SLMAP: variants seen among roughly 807,000 people sequenced by gnomAD.
SLMAP encodes sarcolemmal membrane-associated protein.
SLMAP carries 44 observed loss-of-function variants against 128.8 expected under a neutral mutation model. That is an observed-to-expected ratio of 0.34 (90% CI 0.27 to 0.44). SLMAP has a LOEUF of 0.44. Among genes scored for constraint, SLMAP ranks in the 20% least tolerant of loss-of-function variants. The pLI is 1.00. For missense variants in SLMAP, 787 were observed against 985.3 expected, an observed-to-expected ratio of 0.80 and a Z score of 2.69; for synonymous variants, 327 against 348.8, an observed-to-expected ratio of 0.94 and a Z score of 0.70.
At chr3:57,880,809 C>G (rs2095717641) in intron 14 of SLMAP, among the ~76,000 whole-genome samples, 1 of 152,056 alleles carries the variant, frequency 6.6e-6, no homozygotes, top group South Asian at 2.1e-4. Flanking sequence ...CGCTTGAGCC[C>G]TGGAGCGGGA....
Position 57,855,802 on chromosome 3 carries a change from G to A in SLMAP, c.520-1931G>A, listed in dbSNP as rs1215640383. ...CTCACACCTGTGATCCCAGCACTTT[G>A]GGAGGCCAAGGCGGGCGGATCACTT... On this transcript the variant is annotated intron_variant, in intron 6 of 24. Coordinates refer to ENST00000671191, the MANE Select transcript of SLMAP (RefSeq NM_001377540.1). Among the ~76,000 whole-genome samples the A allele has an allele frequency of 2.7e-4, 41 of 151,634 alleles. 1 individual carries two copies. Among genetic ancestry groups the A allele is most frequent in the Admixed American group, 2.6e-3 (39 of 15,200 alleles).
chr3:57,813,009 T>A (rs1560080942), intron 2 of SLMAP, among the ~76,000 whole-genome samples: 1 of 152,086 alleles, frequency 6.6e-6, no homozygotes, highest in Non-Finnish European at 1.5e-5. Flanking sequence ...TCTAACAGTT[T>A]TTTTCTGGAC....
chr3:57,807,041 T>G (rs562378570), intron 2 of SLMAP, among the ~76,000 whole-genome samples: 1 of 152,308 alleles, frequency 6.6e-6, no homozygotes, highest in African/African-American at 2.4e-5. Context: ...TTTCTTAGCT[T>G]TTTAATAATC....
intron 2 of SLMAP, among the ~76,000 whole-genome samples, chr3:57,814,013 G>A (rs1428663115): frequency 6.6e-6 from 1 of 151,004 alleles, no homozygotes; most frequent in Non-Finnish European, 1.5e-5. Context: ...TAATGGGAAG[G>A]CCCTTATCCT....
At chr3:57,834,281 TAAAC>T (rs1327921876) in intron 3 of SLMAP, among the ~76,000 whole-genome samples, 1 of 152,036 alleles carries the variant, frequency 6.6e-6, no homozygotes, top group Admixed American at 6.6e-5. Context: ...CTACAAGGGA[TAAAC>T]AAACCCAGAT....
At chr3:57,772,895 C>T (rs909459267) in intron 2 of SLMAP, among the ~76,000 whole-genome samples, 1 of 152,196 alleles carries the variant, frequency 6.6e-6, no homozygotes, top group African/African-American at 2.4e-5. Context: ...CCGCCTCGGC[C>T]TCCCAAAGTG....
intron 19 of SLMAP, among the ~76,000 whole-genome samples, chr3:57,909,770 A>G (rs144535552): frequency 0.027 from 4,049 of 151,714 alleles, 165 homozygotes; most frequent in African/African-American, 0.092. Context: ...GCGCCACCAC[A>G]CCCAGCTAAT....
At chr3:57,886,071 T>TG (rs1226993462) in intron 14 of SLMAP, among the ~76,000 whole-genome samples, 1 of 149,554 alleles carries the variant, frequency 6.7e-6, no homozygotes, top group Non-Finnish European at 1.5e-5. Flanking sequence ...CATGAGCCAA[T>TG]GCGCCCAAGA....
At chr3:57,847,115 G>T in intron 4 of SLMAP, 82 bp from the exon 5 acceptor site, 2 of 805,318 alleles carry the variant, frequency 2.5e-6, no homozygotes, top group South Asian at 1.6e-5. Flanking sequence ...AAACTTTGTG[G>T]TGTAAGATAT....
intron 2 of SLMAP, among the ~76,000 whole-genome samples, chr3:57,790,919 A>G (rs2085317553): frequency 6.6e-6 from 1 of 152,216 alleles, no homozygotes; most frequent in African/African-American, 2.4e-5. Flanking sequence ...GAATATAAAG[A>G]TAATAAGGAT....
Position 57,757,630 on chromosome 3 carries a change from A to G in SLMAP, c.-22A>G. 1 of 1,612,374 alleles carries G rather than the reference A, an allele frequency of 6.2e-7. No homozygotes were observed. Among genetic ancestry groups the G allele is most frequent in the Non-Finnish European group, 8.5e-7 (1 of 1,179,202 alleles). ...AACTCCTCTTTGTCCCTGGTAGGAGAGACACCCCCAGTCTATCCTCGATGC... is the reference window on the plus strand; with the variant it reads ...AACTCCTCTTTGTCCCTGGTAGGAGGGACACCCCCAGTCTATCCTCGATGC... On this transcript the variant is annotated 5_prime_UTR_variant, in exon 2 of 25. Transcript: ENST00000671191.
intron 2 of SLMAP, among the ~76,000 whole-genome samples, chr3:57,758,937 A>T (rs1311475893): frequency 1.3e-5 from 2 of 152,214 alleles, no homozygotes; most frequent in African/African-American, 4.8e-5. Flanking sequence ...TTTCTGAGTT[A>T]AATAATTAAA....
chr3:57,857,529 A>T (rs1232893402), intron 6 of SLMAP, among the ~76,000 whole-genome samples: 3 of 152,244 alleles, frequency 2.0e-5, no homozygotes, highest in African/African-American at 7.2e-5. Context: ...CTTGTACTGC[A>T]CTATAACTGA....
chr3:57,829,636 A>G (rs1239098386), intron 2 of SLMAP, among the ~76,000 whole-genome samples: 2 of 152,250 alleles, frequency 1.3e-5, no homozygotes, highest in Admixed American at 6.5e-5. Context: ...ACAATTTTCT[A>G]ATTAATCGTC....
At chr3:57,895,161 A>G (rs1371426077) in intron 15 of SLMAP, among the ~76,000 whole-genome samples, 2 of 151,760 alleles carry the variant, frequency 1.3e-5, no homozygotes, top group African/African-American at 2.4e-5. Flanking sequence ...GTATGTACAG[A>G]TGTGCCATTA....
At chr3:57,796,378 G>A (rs1398281051) in intron 2 of SLMAP, among the ~76,000 whole-genome samples, 1 of 151,448 alleles carries the variant, frequency 6.6e-6, no homozygotes, top group Non-Finnish European at 1.5e-5. Context: ...GGATAGTCTA[G>A]CCTGGTAATT....
chr3:57,875,486 G>C (rs1475778975), intron 14 of SLMAP, among the ~76,000 whole-genome samples: 1 of 152,212 alleles, frequency 6.6e-6, no homozygotes, highest in Non-Finnish European at 1.5e-5. Context: ...TTGCACTCCA[G>C]CCTGGGCTAC....
At chr3:57,910,711 C>T (rs1037743169) in intron 19 of SLMAP, among the ~76,000 whole-genome samples, 1 of 152,106 alleles carries the variant, frequency 6.6e-6, no homozygotes, top group African/African-American at 2.4e-5. Context: ...TCTTCCTTTC[C>T]CATGCCATTG....
chr3:57,807,932 C>T (rs540956144), intron 2 of SLMAP, among the ~76,000 whole-genome samples: 1 of 152,138 alleles, frequency 6.6e-6, no homozygotes, highest in African/African-American at 2.4e-5. Flanking sequence ...CTGTTAATTA[C>T]TGCCTCCATT....
Sources: allele counts gnomAD v4.1 joint callset (sites outside exome capture counted in the v4.1 genomes callset), GRCh38; gene constraint gnomAD v4.1.1; transcripts MANE v1.5; gene names NCBI Gene and HGNC (gene_info 2026-07-23, HGNC 2026-07-21).